Variants in KIF14 observed in about 807,000 individuals in gnomAD.
The protein encoded by KIF14 is kinesin-like protein KIF14.
In KIF14, 98 loss-of-function variants were observed where a neutral mutation model predicts 176.2. That is an observed-to-expected ratio of 0.56 (90% CI 0.47 to 0.66). KIF14 has a LOEUF of 0.66. KIF14 is among the 30% of genes least tolerant of loss of function. The pLI, the probability that KIF14 is intolerant of heterozygous loss-of-function variation, is 0.00. For synonymous variants in KIF14, 566 were observed against 632.2 expected (o/e 0.90, Z 1.57); for missense variants, 1,751 against 1,920.4 (o/e 0.91, Z 1.65).
intron 19 of KIF14, among the ~76,000 whole-genome samples, chr1:200,584,087 C>A (rs1658608249): frequency 6.6e-6 from 1 of 151,410 alleles, no homozygotes; most frequent in Non-Finnish European, 1.5e-5. Context: ...ACTAAAAATA[C>A]AAAAACTGTA....
chr1:200,558,774 A>G (rs900808383), intron 27 of KIF14, among the ~76,000 whole-genome samples: 1 of 152,220 alleles, frequency 6.6e-6, no homozygotes, highest in African/African-American at 2.4e-5. Context: ...TGATAGAACC[A>G]GGTTTCAAAT....
rs1558096936 is a variant in KIF14 at position 200,617,894 on chromosome 1, GTTC to G, written c.827_829del (p.Arg276del). The G allele has an allele frequency of 3.1e-6, 5 of 1,614,080 alleles. No homozygotes were observed. The highest frequency in any genetic ancestry group is 2.2e-5 in the South Asian group (2 of 91,078). ...GTGTTCTGTTGTACATTTTGTAGGT[GTTC>G]TTTTTTCTAAGCTCCCAAATTTATT... is the stretch of plus-strand genomic sequence containing the variant. On this transcript the variant is annotated inframe_deletion, in exon 2 of 30. Coordinates refer to ENST00000367350, the MANE Select transcript of KIF14 (RefSeq NM_014875.3).
intron 23 of KIF14, among the ~76,000 whole-genome samples, chr1:200,568,761 C>T (rs878936616): frequency 1.3e-5 from 2 of 152,068 alleles, no homozygotes; most frequent in African/African-American, 4.8e-5. Context: ...TTTGCCTGTC[C>T]TTAAACTTCA....
intron 21 of KIF14, 130 bp downstream of exon 21, chr1:200,580,124 A>G: frequency 2.4e-6 from 1 of 418,064 alleles, no homozygotes. Context: ...ATTGCCTTTT[A>G]TTTTCCAAAT....
At chr1:200,604,319 C>T (rs1659770168) in intron 8 of KIF14, among the ~76,000 whole-genome samples, 1 of 152,156 alleles carries the variant, frequency 6.6e-6, no homozygotes, top group Non-Finnish European at 1.5e-5. Context: ...CCTCCTGCCT[C>T]GGCCTCCTAA....
chr1:200,584,605 CAT>C (rs1422502443), intron 19 of KIF14, among the ~76,000 whole-genome samples: 1 of 152,146 alleles, frequency 6.6e-6, no homozygotes, highest in African/African-American at 2.4e-5. Context: ...GGATAAAAAT[CAT>C]ATGATCATTT....
At position 200,565,546 on chromosome 1, in the gene KIF14, G is replaced by C. The variant is rs1266297586; in HGVS notation, c.3785C>G (p.Thr1262Ser). 1.2e-6 allele frequency: 2 copies of C among 1,611,444 alleles called. No individual in the cohort carries two copies. Among genetic ancestry groups the C allele is most frequent in the South Asian group, 2.2e-5 (2 of 90,346 alleles). Reference sequence around the variant, plus strand: ...ACTATTAATTAGGCTGTCTGCTATAGTTCTTTCTTCATCATAACTCTGTCC... The same window carrying C: ...ACTATTAATTAGGCTGTCTGCTATACTTCTTTCTTCATCATAACTCTGTCC... ...FFGQSYDEER[T>S]IADSLINSFL... The change falls in exon 24 of 30, where the codon ACT (threonine) becomes AGT (serine). Residue 1262 changes from threonine (T) to serine (S), a missense_variant. Coordinates refer to ENST00000367350, the MANE Select transcript of KIF14 (RefSeq NM_014875.3).
chr1:200,586,008 T>C (rs915020271), intron 19 of KIF14, 93 bp downstream of exon 19: 5 of 880,848 alleles, frequency 5.7e-6, no homozygotes, highest in African/African-American at 5.4e-5. Context: ...ATTTTGAATA[T>C]GTAAAGGCAA....
chr1:200,596,754 G>A (rs1379129400), intron 14 of KIF14, among the ~76,000 whole-genome samples: 1 of 151,464 alleles, frequency 6.6e-6, no homozygotes, highest in African/African-American at 2.4e-5. Context: ...CAGTAGAGAT[G>A]AGGTTTCACC....
At chr1:200,605,948 G>C in intron 6 of KIF14, 54 bp from the exon 7 acceptor site, 1 of 1,011,266 alleles carries the variant, frequency 9.9e-7, no homozygotes, top group Non-Finnish European at 1.5e-6. Context: ...TTATACTCTT[G>C]TTCTCATAAA....
Position 200,560,703 on chromosome 1 carries a change from A to C in KIF14, c.4230+19T>G, listed in dbSNP as rs1358682782. On this transcript the variant is annotated intron_variant, in intron 26 of 29. Coordinates refer to ENST00000367350, the MANE Select transcript of KIF14 (RefSeq NM_014875.3). ...GTTCCCTCAGATGAAGTCTGTCTGA[A>C]CTAACATTGCTAAATTACCTGGACA... 1.2e-6 allele frequency: 2 copies of C among 1,613,154 alleles called. No individual in the cohort carries two copies. Among genetic ancestry groups the C allele is most frequent in the African/African-American group, 2.7e-5 (2 of 74,938 alleles).
At chr1:200,569,769 T>C (rs1366458497) in intron 23 of KIF14, 142 bp downstream of exon 23, 2 of 474,120 alleles carry the variant, frequency 4.2e-6, no homozygotes, top group African/African-American at 2.0e-5. Context: ...GAAGGGGTCA[T>C]TGATCCAACC....
intron 4 of KIF14, among the ~76,000 whole-genome samples, chr1:200,609,275 G>T (rs1558089080): frequency 6.6e-6 from 1 of 152,144 alleles, no homozygotes; most frequent in Non-Finnish European, 1.5e-5. Context: ...GGAGAAACTG[G>T]AACCCTCCTC....
At position 200,595,172 on chromosome 1, in the gene KIF14, G is replaced by C. The variant is rs148827712; in HGVS notation, c.2550-1403C>G. 2.1e-3 allele frequency among the ~76,000 whole-genome samples: 326 copies of C among 152,238 alleles called. 1 individual carries two copies. Among genetic ancestry groups the C allele is most frequent in the African/African-American group, 7.5e-3 (311 of 41,528 alleles). On this transcript the variant is annotated intron_variant, in intron 14 of 29. Coordinates refer to ENST00000367350, the MANE Select transcript of KIF14 (RefSeq NM_014875.3). ...CCTCTCCCTTCTTGCAACCATTCTT[G>C]AAGGCCCAATTTAGAGTCCTCTAAG...
chr1:200,588,463 T>C (rs1208125717), intron 18 of KIF14, among the ~76,000 whole-genome samples: 1 of 152,038 alleles, frequency 6.6e-6, no homozygotes, highest in African/African-American at 2.4e-5. Context: ...ATGGCATCGA[T>C]CTCTTAACGT....
Position 200,553,434 on chromosome 1 carries a change from G to A in KIF14, c.4901C>T (p.Ala1634Val). The A allele has an allele frequency of 6.2e-7, 1 of 1,613,962 alleles. No individual in the cohort carries two copies. Among genetic ancestry groups the A allele is most frequent in the Non-Finnish European group, 8.5e-7 (1 of 1,179,958 alleles). The stretch of plus-strand genomic sequence containing the variant: ...GGGTGTGCATTCCTCTGAGCTCACT[G>A]CTGGGGATGAGCCATGGAGCTCATA... ...RVYELHGSSPAVSSEECTPSR... is the reference protein window; with the variant it reads ...RVYELHGSSPVVSSEECTPSR... Residue 1634 changes from alanine to valine, a missense_variant, in exon 30 of 30, where the codon GCA (alanine) becomes GTA (valine). Coordinates refer to ENST00000367350, the MANE Select transcript of KIF14 (RefSeq NM_014875.3).
chr1:200,600,305 T>A (rs1659560253), intron 12 of KIF14, 51 bp downstream of exon 12: 1 of 1,580,312 alleles, frequency 6.3e-7, no homozygotes, highest in African/African-American at 1.3e-5. Flanking sequence ...CTGCCATTCC[T>A]ATGATTCCAG....
rs146095892 is a variant in KIF14 at position 200,600,423 on chromosome 1, G to T, written c.2233C>A (p.Arg745=). 1.3e-3 allele frequency: 2,097 copies of T among 1,613,584 alleles called. 35 individuals are homozygous for T. In the East Asian group the frequency reaches 0.038, roughly 29 times the overall value. Residue 745 remains arginine (R), a synonymous_variant, in exon 12 of 30, where the codon CGG becomes AGG. Transcript: ENST00000367350. The part of the protein sequence containing the change: ...NIDPERYRLC[R]QEITSLRMKL... The stretch of plus-strand genomic sequence containing the variant: ...ATTCTTAAGGATGTTATTTCTTGCC[G>T]ACAGAGCCTGTATCGTTCAGGGTCA...
At chr1:200,607,850 G>A (rs1450415652) in intron 5 of KIF14, among the ~76,000 whole-genome samples, 2 of 151,930 alleles carry the variant, frequency 1.3e-5, no homozygotes, top group African/African-American at 2.4e-5. Flanking sequence ...ACAGGCACGC[G>A]CCACCATGCC....
Sources: allele counts gnomAD v4.1 joint callset (sites outside exome capture counted in the v4.1 genomes callset), GRCh38; gene constraint gnomAD v4.1.1; transcripts MANE v1.5; gene names NCBI Gene and HGNC (gene_info 2026-07-23, HGNC 2026-07-21).